The following RNASEH2C variants were observed in gnomAD, a reference collection of about 807,000 sequenced individuals.
RNASEH2C encodes ribonuclease H2 subunit C.
RNASEH2C carries 20 observed loss-of-function variants against 16.3 expected under a neutral mutation model. The ratio of observed to expected loss-of-function variants is 1.23; its 90% CI spans 0.86 to 1.79. RNASEH2C has a LOEUF of 1.79. RNASEH2C is among the 40% of genes most tolerant of loss of function. The pLI, the probability that RNASEH2C is intolerant of heterozygous loss-of-function variation, is 0.00. For missense variants in RNASEH2C, 296 were observed against 235.9 expected, an observed-to-expected ratio of 1.25 and a Z score of -1.67; for synonymous variants, 106 against 98.9, an observed-to-expected ratio of 1.07 and a Z score of -0.43.
At chr11:65,719,916 G>A (rs761170618) in intron 3 of RNASEH2C, 107 bp from the exon 4 acceptor site, 14 of 1,602,288 alleles carry the variant, frequency 8.7e-6, no homozygotes, top group African/African-American at 4.0e-5. Flanking sequence ...TTCTAGACAT[G>A]CTAGGAAGAG....
rs886048491 is a variant in RNASEH2C, at chr11:65,718,921, T to G, written c.*862A>C. The stretch of plus-strand genomic sequence containing the variant: ...TCAAGAAGGAGGATGTCATCTCCAC[T>G]CTGCAGTACCTCAATCTCATCAACT... On this transcript the variant is annotated 3_prime_UTR_variant, in exon 4 of 4. Transcript: ENST00000308418. 6.2e-7 allele frequency: 1 copy of G among 1,614,156 alleles called. No homozygotes were observed. Among genetic ancestry groups the G allele is most frequent in the Admixed American group, 1.7e-5 (1 of 60,022 alleles).
rs1288821181 is a variant in RNASEH2C, at chr11:65,717,783, G to A, written c.*2000C>T. ...TGGATGCTTGAAGAAACTCAGTCTT[G>A]GAACTCAGACAGCAATGGAGACGGG... On this transcript the variant is annotated 3_prime_UTR_variant, in exon 4 of 4. Transcript: ENST00000308418. 1 of 152,550 alleles carries A rather than the reference G, an allele frequency of 6.6e-6. No individual in the cohort carries two copies. The highest frequency in any genetic ancestry group is 1.5e-5 in the Non-Finnish European group (1 of 68,312). 9.4% of individuals were successfully genotyped at this position (152,550 alleles called of 1,614,324 possible). A position where few individuals can be genotyped will look rare whatever the true frequency, so the allele number is the denominator to read the frequency against.
chr11:65,718,492 T>TTAAAA lies in RNASEH2C; in HGVS notation c.*1290_*1291insTTTTA. The TTAAAA allele has an allele frequency of 7.8e-7, 1 of 1,279,886 alleles. No individual in the cohort carries two copies. The highest frequency in any genetic ancestry group is 1.4e-5 in the South Asian group (1 of 72,828). 79.3% of individuals were successfully genotyped at this position (1,279,886 alleles called of 1,614,324 possible). On this transcript the variant is annotated 3_prime_UTR_variant, in exon 4 of 4. Coordinates refer to ENST00000308418, the MANE Select transcript of RNASEH2C (RefSeq NM_032193.4). ...GAACTGCCAAGTGGCAGGGCCATGA[T>TTAAAA]AGGAACTAGGCAGCCTGCCTTGGCA...
At position 65,718,560 on chromosome 11, in the gene RNASEH2C, T is replaced by A. The variant is rs752745337; in HGVS notation, c.*1223A>T. On this transcript the variant is annotated 3_prime_UTR_variant, in exon 4 of 4. Transcript: ENST00000308418. Reference sequence around the variant, plus strand: ...TTGCTTATGTTCATCTGTGACCTCTTACTCACCCTCTCCTGCTCCATTGCT... The same window carrying A: ...TTGCTTATGTTCATCTGTGACCTCTAACTCACCCTCTCCTGCTCCATTGCT... 17 of 1,601,668 alleles carry A rather than the reference T, an allele frequency of 1.1e-5. No individual in the cohort carries two copies. The highest frequency in any genetic ancestry group is 3.4e-5 in the Admixed American group (2 of 58,482).
Position 65,719,688 on chromosome 11 carries a change from G to A in RNASEH2C, c.*95C>T. On this transcript the variant is annotated 3_prime_UTR_variant, in exon 4 of 4. Transcript: ENST00000308418. ...TAAGGCGCCCAGACTCACAGGTGCT[G>A]TGAAGAGCTCCTTTATTGGGGTGAT... 1 of 1,368,088 alleles carries A rather than the reference G, an allele frequency of 7.3e-7. No individual in the cohort carries two copies. Among genetic ancestry groups the A allele is most frequent in the Admixed American group, 1.7e-5 (1 of 59,648 alleles). The allele number at this position is 1,368,088 out of a possible 1,614,324, so 84.7% of individuals were successfully genotyped here.
At position 65,719,213 on chromosome 11, in the gene RNASEH2C, C is replaced by T. The variant is rs201309659; in HGVS notation, c.*570G>A. 6.2e-7 allele frequency: 1 copy of T among 1,608,814 alleles called. No homozygotes were observed. Among genetic ancestry groups the T allele is most frequent in the Non-Finnish European group, 8.5e-7 (1 of 1,177,908 alleles). On this transcript the variant is annotated 3_prime_UTR_variant, in exon 4 of 4. Transcript: ENST00000308418. Reference sequence around the variant, plus strand: ...ACTGCCCACTGCAGTGCCAAGACGGCAGCAGGACTGGGGCTGATAGCCCAC... The same window carrying T: ...ACTGCCCACTGCAGTGCCAAGACGGTAGCAGGACTGGGGCTGATAGCCCAC...
chr11:65,718,226 TC>T lies in RNASEH2C; in HGVS notation c.*1556del, dbSNP rs551349019. 233 of 195,130 alleles carry T rather than the reference TC, an allele frequency of 1.2e-3. 4 individuals are homozygous for T. The highest frequency in any genetic ancestry group is 5.2e-3 in the African/African-American group (222 of 42,876). 12.1% of individuals were successfully genotyped at this position (195,130 alleles called of 1,614,324 possible). ...TTAGAGACAGGAATCTGTCTCCACTTCCTTACATGGCTAGACACAGAGCCCG... is the reference window on the plus strand; with the variant it reads ...TTAGAGACAGGAATCTGTCTCCACTTCTTACATGGCTAGACACAGAGCCCG... On this transcript the variant is annotated 3_prime_UTR_variant, in exon 4 of 4. Transcript: ENST00000308418.
At chr11:65,720,016 G>A in intron 3 of RNASEH2C, 29 bp downstream of exon 3, 1 of 1,611,764 alleles carries the variant, frequency 6.2e-7, no homozygotes, top group Non-Finnish European at 8.5e-7. Context: ...ATCCACCCGG[G>A]GGCAAGACGG....
Position 65,719,231 on chromosome 11 carries a change from T to C in RNASEH2C, c.*552A>G, listed in dbSNP as rs370375120. 1.2e-4 allele frequency: 199 copies of C among 1,597,208 alleles called. No homozygotes were observed. The African/African-American group carries it at 2.1e-3, about 17-fold the overall frequency. The stretch of plus-strand genomic sequence containing the variant: ...AAGACGGCAGCAGGACTGGGGCTGA[T>C]AGCCCACCCCGCCCCCACTGCAGCT... On this transcript the variant is annotated 3_prime_UTR_variant, in exon 4 of 4. Transcript: ENST00000308418.
rs547082810 is a variant in RNASEH2C at position 65,719,420 on chromosome 11, G to A, written c.*363C>T. The A allele has an allele frequency of 5.3e-4, 325 of 609,430 alleles. 2 individuals carry two copies. In the Middle Eastern group the frequency reaches 6.1e-3, roughly 11 times the overall value. 37.8% of individuals were successfully genotyped at this position (609,430 alleles called of 1,614,324 possible). On this transcript the variant is annotated 3_prime_UTR_variant, in exon 4 of 4. Transcript: ENST00000308418. ...CAGGCCTCCTCTGAAGCAGGGACCAGAGGGAGCCAGGCAGCTGTGTACAGT... is the reference window on the plus strand; with the variant it reads ...CAGGCCTCCTCTGAAGCAGGGACCAAAGGGAGCCAGGCAGCTGTGTACAGT...
Position 65,720,607 on chromosome 11 carries a change from G to A in RNASEH2C, c.152C>T (p.Ala51Val), listed in dbSNP as rs1857359682. Reference sequence around the variant, plus strand: ...CTCACCCTCGGGGCCCTGGCGGATGGCGGGCGTGAAGAAGCGCCCCACCGG... The same window carrying A: ...CTCACCCTCGGGGCCCTGGCGGATGACGGGCGTGAAGAAGCGCCCCACCGG... Reference protein sequence around the residue: ...PAPVGRFFTPAIRQGPEGLEV... With the variant: ...PAPVGRFFTPVIRQGPEGLEV... Residue 51 changes from alanine to valine, a missense_variant, in exon 1 of 4, where the codon GCC becomes GTC. Transcript: ENST00000308418. 6.5e-7 allele frequency: 1 copy of A among 1,542,664 alleles called. No homozygotes were observed. The highest frequency in any genetic ancestry group is 1.4e-5 in the African/African-American group (1 of 73,104).
At position 65,718,930 on chromosome 11, in the gene RNASEH2C, C is replaced by T. The variant is rs970164652; in HGVS notation, c.*853G>A. 6.2e-7 allele frequency: 1 copy of T among 1,614,010 alleles called. No homozygotes were observed. The highest frequency in any genetic ancestry group is 8.5e-7 in the Non-Finnish European group (1 of 1,180,014). On this transcript the variant is annotated 3_prime_UTR_variant, in exon 4 of 4. Transcript: ENST00000308418. ...AGGATGTCATCTCCACTCTGCAGTA[C>T]CTCAATCTCATCAACTACTACAAGG...
At chr11:65,720,543 G>C (rs1179605206) in intron 1 of RNASEH2C, 44 bp downstream of exon 1, 3 of 1,523,508 alleles carry the variant, frequency 2.0e-6, no homozygotes, top group African/African-American at 1.4e-5. Context: ...CGCGCAGGCC[G>C]GCGCGGGGGC....
In RNASEH2C at chr11:65,718,422, C is replaced by G. The variant is rs1857280203; in HGVS notation, c.*1361G>C. On this transcript the variant is annotated 3_prime_UTR_variant, in exon 4 of 4. Coordinates refer to ENST00000308418, the MANE Select transcript of RNASEH2C (RefSeq NM_032193.4). Reference sequence around the variant, plus strand: ...TCAGCGCACGGAAAGAGTGAATACTCAGTTCTTCCTGAGGGAACTGAGGCA... The same window carrying G: ...TCAGCGCACGGAAAGAGTGAATACTGAGTTCTTCCTGAGGGAACTGAGGCA... 1 of 694,202 alleles carries G rather than the reference C, an allele frequency of 1.4e-6. No homozygotes were observed. Among genetic ancestry groups the G allele is most frequent in the Admixed American group, 2.4e-5 (1 of 41,884 alleles). 43.0% of individuals were successfully genotyped at this position (694,202 alleles called of 1,614,324 possible). A position where few individuals can be genotyped will look rare whatever the true frequency, so the allele number is the denominator to read the frequency against.
At position 65,720,357 on chromosome 11, in the gene RNASEH2C, C is replaced by G. The variant is rs558325124; in HGVS notation, c.233G>C (p.Gly78Ala). Residue 78 changes from glycine to alanine, a missense_variant, in exon 2 of 4, where the codon GGC (glycine) becomes GCC (alanine). Transcript: ENST00000308418. Reference sequence around the variant, plus strand: ...TGTCACCATCACGTATCCCACGAGGCCAGGCGGCACCGCCACCTCCTCTCC... The same window carrying G: ...TGTCACCATCACGTATCCCACGAGGGCAGGCGGCACCGCCACCTCCTCTCC... ...LRGEEVAVPP[G>A]LVGYVMVTEE... The G allele has an allele frequency of 3.1e-6, 5 of 1,614,260 alleles. No homozygotes were observed. The Admixed American group carries it at 6.7e-5, about 22-fold the overall frequency.
At position 65,719,562 on chromosome 11, in the gene RNASEH2C, C is replaced by G; in HGVS notation, c.*221G>C. On this transcript the variant is annotated 3_prime_UTR_variant, in exon 4 of 4. Transcript: ENST00000308418. ...CTGGCTGCAAAAATTTCTGGCTTCT[C>G]TTACCCCTATTGCCCCCGGCAATAA... The G allele has an allele frequency of 1.6e-6, 1 of 637,736 alleles. No homozygotes were observed. Among genetic ancestry groups the G allele is most frequent in the South Asian group, 1.9e-5 (1 of 53,732 alleles). The allele number at this position is 637,736 out of a possible 1,614,324, so 39.5% of individuals were successfully genotyped here. A position where few individuals can be genotyped will look rare whatever the true frequency, so the allele number is the denominator to read the frequency against.
chr11:65,719,481 G>T lies in RNASEH2C; in HGVS notation c.*302C>A. 2 of 609,592 alleles carry T rather than the reference G, an allele frequency of 3.3e-6. No individual in the cohort carries two copies. The highest frequency in any genetic ancestry group is 5.8e-6 in the Non-Finnish European group (2 of 346,080). The allele number at this position is 609,592 out of a possible 1,614,324, so 37.8% of individuals were successfully genotyped here. ...CCGGATGGGGGAGCTCTGTACAGAG[G>T]GCTGGTGATTGTAAAAATTTCTTTT... On this transcript the variant is annotated 3_prime_UTR_variant, in exon 4 of 4. Coordinates refer to ENST00000308418, the MANE Select transcript of RNASEH2C (RefSeq NM_032193.4).
intron 3 of RNASEH2C, 28 bp from the exon 4 acceptor site, chr11:65,719,837 G>A (rs756200635): frequency 1.9e-6 from 3 of 1,613,850 alleles, no homozygotes. Context: ...TCTACTGTTG[G>A]ACTTGTAAGA....
chr11:65,719,577 C>G lies in RNASEH2C; in HGVS notation c.*206G>C, dbSNP rs571237955. ...TCTGGCTTCTCTTACCCCTATTGCC[C>G]CCGGCAATAAATTGTTTCTATATGC... On this transcript the variant is annotated 3_prime_UTR_variant, in exon 4 of 4. Coordinates refer to ENST00000308418, the MANE Select transcript of RNASEH2C (RefSeq NM_032193.4). 2.3e-4 allele frequency: 154 copies of G among 656,726 alleles called. No homozygotes were observed. The African/African-American group carries it at 2.4e-3, about 10-fold the overall frequency. The allele number at this position is 656,726 out of a possible 1,614,324, so 40.7% of individuals were successfully genotyped here.
Sources: allele counts gnomAD v4.1 joint callset, GRCh38; gene constraint gnomAD v4.1.1; transcripts MANE v1.5; gene names NCBI Gene and HGNC (gene_info 2026-07-23, HGNC 2026-07-21).